JPH2: variants seen among roughly 807,000 people sequenced by gnomAD.
The protein encoded by JPH2 is junctophilin 2, also known as junctophilin-2.
A neutral mutation model predicts 55.9 loss-of-function variants in JPH2; 38 were observed. That is an observed-to-expected ratio of 0.68 (90% confidence interval 0.52 to 0.89). The LOEUF (loss-of-function observed/expected upper bound fraction) is 0.89. Among genes scored for constraint, JPH2 ranks in the 40% least tolerant of loss-of-function variants. JPH2 has a pLI of 0.00. For synonymous variants in JPH2, 480 were observed against 472.4 expected (o/e 1.02, Z -0.21); for missense variants, 964 against 1,037.6 (o/e 0.93, Z 0.97).
At chr20:44,158,494 G>A (rs2072581034) in intron 2 of JPH2, among the ~76,000 whole-genome samples, 1 of 152,200 alleles carries the variant, frequency 6.6e-6, no homozygotes, top group Admixed American at 6.5e-5. Flanking sequence ...AATAAACACA[G>A]TACCTATCAT....
chr20:44,120,789 G>A (rs570106036), intron 2 of JPH2, among the ~76,000 whole-genome samples: 9 of 152,290 alleles, frequency 5.9e-5, no homozygotes, highest in Admixed American at 5.2e-4. Flanking sequence ...TAGAGTTTAC[G>A]AATTCGTGTT....
At position 44,116,372 on chromosome 20, in the gene JPH2, T is replaced by A; in HGVS notation, c.1303A>T (p.Lys435Ter). ...DFYQPGPEYQKRRLLQEILEN... is the reference protein window; with the variant it reads ...DFYQPGPEYQ ...AGGATCTCCTGCAGCAGCCGGCGCTTCTGATATTCCGGACCTGCCAGGGCA... is the reference window on the plus strand; with the variant it reads ...AGGATCTCCTGCAGCAGCCGGCGCTACTGATATTCCGGACCTGCCAGGGCA... Residue 435 changes from lysine (K) to a stop codon, truncating the protein, a stop_gained, in exon 4 of 6, where the codon AAG becomes TAG. Coordinates refer to ENST00000372980, the MANE Select transcript of JPH2 (RefSeq NM_020433.5). LOFTEE classifies it high-confidence loss of function. 1 of 1,547,938 alleles carries A rather than the reference T, an allele frequency of 6.5e-7. No individual in the cohort carries two copies. Among genetic ancestry groups the A allele is most frequent in the Non-Finnish European group, 8.7e-7 (1 of 1,146,682 alleles).
At chr20:44,149,534 G>C (rs941333546) in intron 2 of JPH2, among the ~76,000 whole-genome samples, 3 of 152,202 alleles carry the variant, frequency 2.0e-5, no homozygotes, top group African/African-American at 7.2e-5. Flanking sequence ...TTTAGTGACA[G>C]GTGTGCTAGG....
At chr20:44,173,534 C>T (rs1374316012) in intron 1 of JPH2, among the ~76,000 whole-genome samples, 1 of 152,192 alleles carries the variant, frequency 6.6e-6, no homozygotes, top group African/African-American at 2.4e-5. Context: ...AATAAACCCC[C>T]ATCTTCCCAC....
rs1414951969 is a variant in JPH2, at chr20:44,159,188, G to A, written c.1169+430C>T. Among the ~76,000 whole-genome samples the A allele has an allele frequency of 2.0e-5, 3 of 152,064 alleles. No homozygotes were observed. The highest frequency in any genetic ancestry group is 4.4e-5 in the Non-Finnish European group (3 of 67,992). On this transcript the variant is annotated intron_variant, in intron 2 of 5. Coordinates refer to ENST00000372980, the MANE Select transcript of JPH2 (RefSeq NM_020433.5). This position sits in a 1 kb window ranked among gnomAD's most constrained non-coding sequence, Gnocchi z 5.7. ...CTGGAGGTGGGTGTGTGGGTGGAGG[G>A]GTTGTTCAGTGAGTGTTAGAGAAGT...
rs2072162240 is a variant in JPH2 at position 44,113,495 on chromosome 20, C to G, written c.*23G>C. On this transcript the variant is annotated 3_prime_UTR_variant, in exon 6 of 6. Coordinates refer to ENST00000372980, the MANE Select transcript of JPH2 (RefSeq NM_020433.5). ...CGGGTCCTCATGTCCTCAGCAGGAA[C>G]TTCTGGCTCTGCAAAGAGACAGCAA... is the stretch of plus-strand genomic sequence containing the variant. 1 of 152,232 alleles carries G rather than the reference C, an allele frequency of 6.6e-6. No individual in the cohort carries two copies. Among genetic ancestry groups the G allele is most frequent in the Admixed American group, 6.5e-5 (1 of 15,284 alleles). The allele number at this position is 152,232 out of a possible 1,614,324, so 9.4% of individuals were successfully genotyped here.
At chr20:44,162,813 C>CACACACACACACACAT (rs1555859096) in intron 1 of JPH2, among the ~76,000 whole-genome samples, 5 of 113,562 alleles carry the variant, frequency 4.4e-5, no homozygotes, top group Admixed American at 1.0e-4. Context: ...CACACACACA[C>CACACACACACACACAT]ACACACACAC....
chr20:44,141,185 C>G (rs1004974099), intron 2 of JPH2, among the ~76,000 whole-genome samples: 1 of 152,182 alleles, frequency 6.6e-6, no homozygotes, highest in Non-Finnish European at 1.5e-5. Context: ...TTCCCACTAA[C>G]GGAAGCCTAA....
At chr20:44,119,655 C>T (rs1179388867) in intron 2 of JPH2, among the ~76,000 whole-genome samples, 1 of 152,102 alleles carries the variant, frequency 6.6e-6, no homozygotes, top group African/African-American at 2.4e-5. Context: ...AGGCGGATCA[C>T]GAGGTCAGGA....
At chr20:44,147,092 G>A (rs981524626) in intron 2 of JPH2, among the ~76,000 whole-genome samples, 5 of 152,164 alleles carry the variant, frequency 3.3e-5, no homozygotes, top group Non-Finnish European at 5.9e-5. Context: ...TCACTCAGGG[G>A]TACTGTGGAC....
At chr20:44,144,600 C>T (rs923159696) in intron 2 of JPH2, among the ~76,000 whole-genome samples, 4 of 152,002 alleles carry the variant, frequency 2.6e-5, no homozygotes, top group Non-Finnish European at 4.4e-5. Flanking sequence ...GGCCAGGCAC[C>T]GAGGTCTAGG....
chr20:44,155,428 T>G (rs1260840321), intron 2 of JPH2, among the ~76,000 whole-genome samples: 1 of 152,198 alleles, frequency 6.6e-6, no homozygotes, highest in Non-Finnish European at 1.5e-5. Context: ...TTTAGTGTAA[T>G]TATTTAAAAT....
At chr20:44,152,692 A>T (rs1219143378) in intron 2 of JPH2, among the ~76,000 whole-genome samples, 1 of 152,188 alleles carries the variant, frequency 6.6e-6, no homozygotes, top group African/African-American at 2.4e-5. Flanking sequence ...CCCTCTGGTG[A>T]CCTGTGTCCC....
chr20:44,129,953 C>T (rs2072305599), intron 2 of JPH2, among the ~76,000 whole-genome samples: 1 of 152,096 alleles, frequency 6.6e-6, no homozygotes, highest in Non-Finnish European at 1.5e-5. Flanking sequence ...AAGATCCTCC[C>T]CTTTGAGCCT....
At chr20:44,122,195 C>A (rs1415255741) in intron 2 of JPH2, among the ~76,000 whole-genome samples, 5 of 152,142 alleles carry the variant, frequency 3.3e-5, no homozygotes, top group Non-Finnish European at 5.9e-5. Context: ...TGCCATATTG[C>A]CATAGTAATG....
chr20:44,126,784 G>C (rs2072280158), intron 2 of JPH2, among the ~76,000 whole-genome samples: 2 of 152,210 alleles, frequency 1.3e-5, no homozygotes, highest in African/African-American at 4.8e-5. Flanking sequence ...TGGTCAATGA[G>C]GCAGGCAGTG....
At chr20:44,175,789 T>C (rs1313117932) in intron 1 of JPH2, among the ~76,000 whole-genome samples, 1 of 152,216 alleles carries the variant, frequency 6.6e-6, no homozygotes, top group African/African-American at 2.4e-5. Flanking sequence ...AAAGGCCCAT[T>C]TCCAGGCCTT....
intron 1 of JPH2, chr20:44,176,869 A>G (rs2145894563): frequency 3.0e-6 from 3 of 985,300 alleles, no homozygotes; most frequent in Non-Finnish European, 3.6e-6. Flanking sequence ...AAAACATGGT[A>G]CATGCCATCC....
chr20:44,156,274 T>C (rs77549491), intron 2 of JPH2, among the ~76,000 whole-genome samples: 2,156 of 152,316 alleles, frequency 0.014, 63 homozygotes, highest in African/African-American at 0.05. Flanking sequence ...CGTAAGAAGT[T>C]AACAATAGGG....
Sources: gnomAD v4.1 joint callset for allele counts (sites outside exome capture counted in the v4.1 genomes callset) on GRCh38, gnomAD v4.1.1 for gene constraint, Gnocchi (gnomAD v3.1) non-coding constraint, MANE v1.5 for transcripts, NCBI Gene and HGNC (gene_info 2026-07-23, HGNC 2026-07-21) for gene names.